The following GRIP2 variants were observed in gnomAD, a reference collection of about 807,000 sequenced individuals.
GRIP2 encodes glutamate receptor-interacting protein 2.
In GRIP2, 58 loss-of-function variants were observed where a neutral mutation model predicts 108.3. The ratio of observed to expected loss-of-function variants is 0.54; its 90% confidence interval spans 0.43 to 0.67. The LOEUF is 0.67. Among genes scored for constraint, GRIP2 ranks in the 30% least tolerant of loss-of-function variants. GRIP2 has a pLI of 0.00. For synonymous variants in GRIP2, 586 were observed against 598.2 expected (o/e 0.98, Z 0.30); for missense variants, 1,278 against 1,430.6 (o/e 0.89, Z 1.72).
At chr3:14,602,930 T>C in the GRIP2 span, among the ~76,000 whole-genome samples, 1 of 149,034 alleles carries the variant, frequency 6.7e-6, no homozygotes, top group African/African-American at 2.4e-5. This position sits in a 1 kb window ranked among gnomAD's most constrained non-coding sequence, Gnocchi z 4.7. Flanking sequence ...CGTCTTACCT[T>C]CGTCCGGCAG....
At chr3:14,601,778 C>G in the GRIP2 span, among the ~76,000 whole-genome samples, 1 of 152,288 alleles carries the variant, frequency 6.6e-6, no homozygotes, top group African/African-American at 2.4e-5. Context: ...CACACAGGAG[C>G]TCTGGGCCTG....
At position 14,490,918 on chromosome 3, in the gene GRIP2, T is replaced by C. The variant is rs1701321871; in HGVS notation, c.*2747A>G. The C allele has an allele frequency of 6.6e-6, 1 of 152,274 alleles. No individual in the cohort carries two copies. The highest frequency in any genetic ancestry group is 2.4e-5 in the African/African-American group (1 of 41,464). 9.4% of individuals were successfully genotyped at this position (152,274 alleles called of 1,614,324 possible). A position where few individuals can be genotyped will look rare whatever the true frequency, so the allele number is the denominator to read the frequency against. ...TCTATCCCGTTACTCCCTTGTTTTC[T>C]TTGTTGCACTTGATGCCTTTTGAAA... On this transcript the variant is annotated 3_prime_UTR_variant, in exon 24 of 24. Coordinates refer to ENST00000621039, the MANE Select transcript of GRIP2 (RefSeq NM_001080423.4).
intron 11 of GRIP2, among the ~76,000 whole-genome samples, chr3:14,515,576 T>C (rs1359836002): frequency 1.3e-5 from 2 of 152,030 alleles, no homozygotes; most frequent in African/African-American, 4.8e-5. Flanking sequence ...TTATATTGTA[T>C]ATTATACATT....
chr3:14,596,007 G>A, the GRIP2 span, among the ~76,000 whole-genome samples: 1 of 152,272 alleles, frequency 6.6e-6, no homozygotes. Context: ...CAGTGATGGA[G>A]ATACAAGCAC....
the GRIP2 span, among the ~76,000 whole-genome samples, chr3:14,595,318 C>A: frequency 3.2e-4 from 48 of 152,124 alleles, 1 homozygote; most frequent in Admixed American, 3.0e-3. Flanking sequence ...GTGTGCCCAG[C>A]GCCTGGCTGT....
chr3:14,588,134 C>T, the GRIP2 span, among the ~76,000 whole-genome samples: 9 of 152,208 alleles, frequency 5.9e-5, no homozygotes, highest in East Asian at 1.2e-3. Context: ...CCTGGGAGAC[C>T]GTTAGCTCTG....
intron 11 of GRIP2, 80 bp downstream of exon 11, chr3:14,516,984 G>T: frequency 7.6e-7 from 1 of 1,318,056 alleles, no homozygotes; most frequent in South Asian, 2.1e-5. Flanking sequence ...ACCTCCCCTC[G>T]CCCTGACATA....
upstream of GRIP2, chr3:14,542,070 G>A (rs756136239): frequency 7.4e-7 from 1 of 1,349,438 alleles, no homozygotes; most frequent in Non-Finnish European, 9.9e-7. Flanking sequence ...CAGTCAGGGA[G>A]GACAGGCGCA....
chr3:14,507,018 A>T lies in GRIP2; in HGVS notation c.2219-38T>A. 1 of 1,539,468 alleles carries T rather than the reference A, an allele frequency of 6.5e-7. No individual in the cohort carries two copies. The highest frequency in any genetic ancestry group is 8.8e-7 in the Non-Finnish European group (1 of 1,136,208). On this transcript the variant is annotated intron_variant, in intron 18 of 23. Coordinates refer to ENST00000621039, the MANE Select transcript of GRIP2 (RefSeq NM_001080423.4). This position sits in a 1 kb window ranked among gnomAD's most constrained non-coding sequence, Gnocchi z 4.6. The stretch of plus-strand genomic sequence containing the variant: ...AGGGGTGTCAATTCTGACTTCAGAG[A>T]CACTCACAGTGAGCCTCAGTTTCTG...
At chr3:14,569,139 C>T in the GRIP2 span, among the ~76,000 whole-genome samples, 5 of 152,238 alleles carry the variant, frequency 3.3e-5, no homozygotes, top group African/African-American at 1.2e-4. Context: ...TGGGGCTTTG[C>T]CTCCCACCCA....
the GRIP2 span, among the ~76,000 whole-genome samples, chr3:14,563,930 C>T: frequency 1.3e-5 from 2 of 152,114 alleles, no homozygotes; most frequent in Admixed American, 6.5e-5. Flanking sequence ...ACATGGCGAC[C>T]GAGTGGCAGA....
chr3:14,562,882 CAA>C, the GRIP2 span, among the ~76,000 whole-genome samples: 16 of 152,212 alleles, frequency 1.1e-4, no homozygotes, highest in Admixed American at 4.6e-4. Context: ...GGACCTGAAT[CAA>C]ATCCAGCTTT....
chr3:14,533,654 C>A (rs1466656683), intron 1 of GRIP2, among the ~76,000 whole-genome samples: 1 of 152,176 alleles, frequency 6.6e-6, no homozygotes, highest in Non-Finnish European at 1.5e-5. Flanking sequence ...CCGTGGTGCC[C>A]TCCAAGTTTG....
intron 10 of GRIP2, among the ~76,000 whole-genome samples, chr3:14,517,461 A>G (rs1233941506): frequency 7.0e-6 from 1 of 142,238 alleles, no homozygotes; most frequent in African/African-American, 2.6e-5. Context: ...GGCATGCTAG[A>G]TGACAATGAG....
chr3:14,559,002 A>T (rs1695279568), upstream of GRIP2, among the ~76,000 whole-genome samples: 1 of 152,144 alleles, frequency 6.6e-6, no homozygotes, highest in African/African-American at 2.4e-5. Context: ...ACTGACTTGG[A>T]GGGGGCAAAA....
At chr3:14,499,662 T>G (rs1288171982) in intron 21 of GRIP2, among the ~76,000 whole-genome samples, 3 of 151,966 alleles carry the variant, frequency 2.0e-5, no homozygotes, top group Admixed American at 2.0e-4. Context: ...AGGTGGAGGT[T>G]GTAGTGAGCC....
the GRIP2 span, among the ~76,000 whole-genome samples, chr3:14,602,592 C>T: frequency 6.6e-6 from 1 of 151,790 alleles, no homozygotes; most frequent in Non-Finnish European, 1.5e-5. The surrounding 1 kb of genome is among the most constrained non-coding windows in gnomAD (Gnocchi z 4.7). Flanking sequence ...ACCCGCCGGC[C>T]GGGCCGGTGG....
At chr3:14,542,060 C>T (rs754587260), upstream of GRIP2, 5 of 1,350,778 alleles carry the variant, frequency 3.7e-6, no homozygotes, top group South Asian at 2.4e-5. Context: ...ACAGCCTCTT[C>T]AGTCAGGGAG....
At chr3:14,562,728 CGG>C in the GRIP2 span, among the ~76,000 whole-genome samples, 1 of 32,230 alleles carries the variant, frequency 3.1e-5, no homozygotes, top group African/African-American at 1.4e-4. Flanking sequence ...AGACGGTCCT[CGG>C]ACTCCCGAGG....
Sources: gnomAD v4.1 joint callset for allele counts (sites outside exome capture counted in the v4.1 genomes callset) on GRCh38, gnomAD v4.1.1 for gene constraint, Gnocchi (gnomAD v3.1) non-coding constraint, MANE v1.5 for transcripts, NCBI Gene and HGNC (gene_info 2026-07-23, HGNC 2026-07-21) for gene names.